AHNAK: variants seen among roughly 807,000 people sequenced by gnomAD.
AHNAK encodes the protein neuroblast differentiation-associated protein AHNAK.
AHNAK carries 23 observed loss-of-function variants against 37.8 expected under a neutral mutation model. The observed-to-expected ratio is 0.61, with a 90% CI of 0.44 to 0.86. AHNAK has a LOEUF of 0.86. AHNAK is among the 40% of genes least tolerant of loss of function. The probability of loss-of-function intolerance (pLI) is 0.00; values close to 1 mark genes in which losing one functional copy is unlikely to be tolerated. For synonymous variants in AHNAK, 2,481 were observed against 2,636.3 expected (o/e 0.94, Z 1.80); for missense variants, 7,411 against 7,319.4 (o/e 1.01, Z -0.46).
In AHNAK at chr11:62,529,326, A is replaced by G. The variant is rs754092098; in HGVS notation, c.5091T>C (p.Asp1697=). Residue 1697 remains aspartate (D), a synonymous_variant, in exon 5 of 5, where the codon GAT becomes GAC. Coordinates refer to ENST00000378024, the MANE Select transcript of AHNAK (RefSeq NM_001620.3). ...GGTCGTGAACCTCCACATCTGGGGC[A>G]TCAATGTCCACTTTGGGCCCTTTAA... is the stretch of plus-strand genomic sequence containing the variant. ...VDIKGPKVDI[D]APDVEVHDPD... The G allele has an allele frequency of 1.9e-6, 3 of 1,613,992 alleles. No individual in the cohort carries two copies. The highest frequency in any genetic ancestry group is 4.5e-5 in the East Asian group (2 of 44,874).
intron 5 of AHNAK, among the ~76,000 whole-genome samples, chr11:62,467,143 C>T (rs1300348108): frequency 6.9e-6 from 1 of 145,132 alleles, no homozygotes; most frequent in East Asian, 2.0e-4. Context: ...GGCAGAGAGG[C>T]AAAGGCTATA....
intron 5 of AHNAK, among the ~76,000 whole-genome samples, chr11:62,458,142 A>G (rs1176881425): frequency 3.3e-5 from 5 of 150,668 alleles, no homozygotes; most frequent in Non-Finnish European, 5.9e-5. Context: ...CTGGTCTCAA[A>G]CTCCTGACCT....
rs372082241 is a variant in AHNAK at position 62,534,988 on chromosome 11, C to T, written c.342+15G>A. 3.1e-6 allele frequency: 5 copies of T among 1,593,520 alleles called. No individual in the cohort carries two copies. Among genetic ancestry groups the T allele is most frequent in the Middle Eastern group, 4.0e-4 (2 of 4,950 alleles). ...GGGGGAGCTCAGGGCACAGATGGGC[C>T]GGCGAGGTACTCACCAGAACCACTT... On this transcript the variant is annotated intron_variant, in intron 4 of 4. Transcript: ENST00000378024.
At chr11:62,537,374 A>T (rs975289899) in intron 1 of AHNAK, 3 of 152,236 alleles carry the variant, frequency 2.0e-5, no homozygotes, top group African/African-American at 7.3e-5. Flanking sequence ...CTCCTGCCTC[A>T]CCCACCCAAG....
In AHNAK at chr11:62,518,693, C is replaced by G. The variant is rs116243978; in HGVS notation, c.15724G>C (p.Gly5242Arg). 13,938 of 1,614,092 alleles carry G rather than the reference C, an allele frequency of 8.6e-3. 82 individuals carry two copies. The highest frequency in any genetic ancestry group is 1.0e-2 in the Non-Finnish European group (11,750 of 1,179,992). Residue 5242 changes from glycine (G) to arginine (R), a missense_variant, in exon 5 of 5, where the codon GGC becomes CGC. Gly to Arg is a moderately radical substitution (Grantham distance 125). Coordinates refer to ENST00000378024, the MANE Select transcript of AHNAK (RefSeq NM_001620.3). ...KFPKFSMPKI[G>R]IPGVKMEGGG... The stretch of plus-strand genomic sequence containing the variant: ...CCCTCCATTTTCACACCTGGGATGC[C>G]GATCTTGGGCATGGAAAACTTGGGG...
At chr11:62,439,630 GTCTT>G in intron 5 of AHNAK, among the ~76,000 whole-genome samples, 1 of 146,400 alleles carries the variant, frequency 6.8e-6, no homozygotes, top group South Asian at 2.2e-4. Context: ...GTGTGCATCT[GTCTT>G]TCTTTTTGGT....
rs929728355 is a variant in AHNAK at position 62,515,918 on chromosome 11, G to C, written c.*826C>G. 2 of 1,152,452 alleles carry C rather than the reference G, an allele frequency of 1.7e-6. No individual in the cohort carries two copies. The highest frequency in any genetic ancestry group is 2.2e-6 in the Non-Finnish European group (2 of 921,932). 71.4% of individuals were successfully genotyped at this position (1,152,452 alleles called of 1,614,324 possible). On this transcript the variant is annotated 3_prime_UTR_variant, in exon 5 of 5. Coordinates refer to ENST00000378024, the MANE Select transcript of AHNAK (RefSeq NM_001620.3). ...CACAAGACATCAAGGTTAATAAACA[G>C]CTTTATTTGCCTTGTACAGCATCAA...
rs755671937 is a variant in AHNAK, at chr11:62,525,400, A to G, written c.9017T>C (p.Ile3006Thr). The change falls in exon 5 of 5, where the codon ATT (isoleucine) becomes ACT (threonine). Residue 3006 changes from isoleucine (I) to threonine (T), a missense_variant. Transcript: ENST00000378024. ...TTGAACGCCCACATCCGGGACATCA[A>G]TGTCCACTTGGGGACCCCTGATGTC... ...EVDIRGPQVD[I>T]DVPDVGVQGP... The G allele has an allele frequency of 4.3e-6, 7 of 1,613,188 alleles. No homozygotes were observed. Among genetic ancestry groups the G allele is most frequent in the Admixed American group, 3.3e-5 (2 of 59,902 alleles).
At chr11:62,545,185 C>G (rs1772611798) in intron 1 of AHNAK, among the ~76,000 whole-genome samples, 1 of 152,192 alleles carries the variant, frequency 6.6e-6, no homozygotes, top group Non-Finnish European at 1.5e-5. Flanking sequence ...TCCCTGGGAG[C>G]ACCTCACTGC....
chr11:62,482,412 C>CAAA (rs11389683), intron 5 of AHNAK, among the ~76,000 whole-genome samples: 32 of 149,280 alleles, frequency 2.1e-4, no homozygotes, highest in Non-Finnish European at 4.6e-4. Context: ...GAGACTGTCT[C>CAAA]AAAAAAAAAA....
rs768914100 is a variant in AHNAK, at chr11:62,530,514, G to C, written c.3903C>G (p.Gly1301=). Residue 1301 remains glycine, a synonymous_variant, in exon 5 of 5, where the codon GGC becomes GGG. Transcript: ENST00000378024. ...TGGGGCCCTTCAGCTTTCCTTCCGG[G>C]CCCTCAAGGCTCACATCTGGGACTT... is the stretch of plus-strand genomic sequence containing the variant. ...DVEVPDVSLE[G]PEGKLKGPKF... 69 of 1,594,058 alleles carry C rather than the reference G, an allele frequency of 4.3e-5. No homozygotes were observed. The highest frequency in any genetic ancestry group is 5.6e-5 in the Non-Finnish European group (66 of 1,172,616).
At chr11:62,474,187 CT>C (rs201384293) in intron 5 of AHNAK, among the ~76,000 whole-genome samples, 580 of 142,206 alleles carry the variant, frequency 4.1e-3, no homozygotes, top group Middle Eastern at 7.3e-3. Flanking sequence ...AAACCTACAT[CT>C]TTTTTTTTTT....
chr11:62,509,558 A>G (rs1197026487), intron 4 of AHNAK, among the ~76,000 whole-genome samples: 1 of 151,896 alleles, frequency 6.6e-6, no homozygotes, highest in Non-Finnish European at 1.5e-5. Context: ...CTCAAAAAAA[A>G]AAGAAAGAAA....
chr11:62,455,310 C>T lies in AHNAK; in HGVS notation c.443-21419G>A, dbSNP rs974365014. 2.2e-4 allele frequency among the ~76,000 whole-genome samples: 34 copies of T among 152,060 alleles called. 1 individual carries two copies. The highest frequency in any genetic ancestry group is 4.6e-4 in the Non-Finnish European group (31 of 68,016). On this transcript the variant is annotated intron_variant, in intron 5 of 5. Transcript: ENST00000257247. ...TTCAGGACACTTAAAGGAATTGGCC[C>T]CCTTAAGAGAGTCTCCTGATCCCAT...
chr11:62,531,267 C>A lies in AHNAK; in HGVS notation c.3150G>T (p.Leu1050Phe), dbSNP rs1940735781. Residue 1050 changes from leucine to phenylalanine, a missense_variant, in exon 5 of 5, where the codon TTG (leucine) becomes TTT (phenylalanine). Coordinates refer to ENST00000378024, the MANE Select transcript of AHNAK (RefSeq NM_001620.3). ...CAGGCATCTTAAACTTCGGGCCTTT[C>A]AACTTCCCTTCAGGTCCTTCAAGGC... is the stretch of plus-strand genomic sequence containing the variant. ...DLSLEGPEGK[L>F]KGPKFKMPEM... The A allele has an allele frequency of 6.2e-7, 1 of 1,613,530 alleles. No homozygotes were observed. The highest frequency in any genetic ancestry group is 1.3e-5 in the African/African-American group (1 of 74,858).
chr11:62,545,695 G>T, intron 1 of AHNAK: 1 of 152,990 alleles, frequency 6.5e-6, no homozygotes, highest in African/African-American at 2.4e-5. Flanking sequence ...CCCGGCTCCT[G>T]CCCCCAACTC....
At chr11:62,436,790 T>C (rs1052371093) in intron 5 of AHNAK, among the ~76,000 whole-genome samples, 132 of 151,674 alleles carry the variant, frequency 8.7e-4, no homozygotes, top group African/African-American at 3.1e-3. Context: ...CAAAAAAAAA[T>C]TAGCCGGGCA....
chr11:62,459,866 A>G (rs961309517), intron 5 of AHNAK, among the ~76,000 whole-genome samples: 5 of 152,218 alleles, frequency 3.3e-5, no homozygotes, highest in African/African-American at 1.2e-4. Context: ...TTGGCCAGAC[A>G]TGGTGGCTCA....
Position 62,525,461 on chromosome 11 carries a change from G to A in AHNAK, c.8956C>T (p.Pro2986Ser). The change falls in exon 5 of 5, where the codon CCC (proline) becomes TCC (serine). Residue 2986 changes from proline to serine, a missense_variant. Coordinates refer to ENST00000378024, the MANE Select transcript of AHNAK (RefSeq NM_001620.3). ...KVKGDVDISL[P>S]KVEGDLKGPE... Reference sequence around the variant, plus strand: ...CCCTTGAGGTCACCTTCCACTTTGGGCAGAGAAATATCCACATCGCCCTTC... The same window carrying A: ...CCCTTGAGGTCACCTTCCACTTTGGACAGAGAAATATCCACATCGCCCTTC... 1 of 1,613,490 alleles carries A rather than the reference G, an allele frequency of 6.2e-7. No homozygotes were observed. The highest frequency in any genetic ancestry group is 1.3e-5 in the African/African-American group (1 of 74,752).
Sources: gnomAD v4.1 joint callset for allele counts (sites outside exome capture counted in the v4.1 genomes callset) on GRCh38, gnomAD v4.1.1 for gene constraint, MANE v1.5 for transcripts, NCBI Gene and HGNC (gene_info 2026-07-23, HGNC 2026-07-21) for gene names.